The following HLCS variants were observed in gnomAD, a reference collection of about 807,000 sequenced individuals.
HLCS encodes holocarboxylase synthetase.
A neutral mutation model predicts 75.0 loss-of-function variants in HLCS; 53 were observed. That is an observed-to-expected ratio of 0.71 (90% CI 0.57 to 0.89). The LOEUF (loss-of-function observed/expected upper bound fraction) is 0.89. Ranked by LOEUF, HLCS falls within the 40% of genes least tolerant of loss-of-function variation. HLCS has a pLI of 0.00. For missense variants in HLCS, 966 were observed against 1,074.0 expected (o/e 0.90, Z 1.41); for synonymous variants, 431 against 428.6 (o/e 1.01, Z -0.07).
At chr21:36,771,665 C>G (rs565446795) in intron 6 of HLCS, among the ~76,000 whole-genome samples, 459 of 152,216 alleles carry the variant, frequency 3.0e-3, no homozygotes, top group African/African-American at 0.011. Flanking sequence ...ATGCAAAATC[C>G]TACAGACAGC....
At chr21:36,813,981 G>C (rs1452733869) in intron 6 of HLCS, among the ~76,000 whole-genome samples, 3 of 152,116 alleles carry the variant, frequency 2.0e-5, no homozygotes, top group Non-Finnish European at 4.4e-5. Flanking sequence ...ATTCTGCCAG[G>C]TCCCTCCCCT....
At chr21:36,908,011 A>G (rs754281008) in intron 5 of HLCS, among the ~76,000 whole-genome samples, 10 of 151,904 alleles carry the variant, frequency 6.6e-5, no homozygotes, top group Non-Finnish European at 1.2e-4. Flanking sequence ...TGGGCCTGCA[A>G]TGAGCTGTGA....
chr21:36,823,075 T>C (rs767910483), intron 6 of HLCS, among the ~76,000 whole-genome samples: 3 of 152,216 alleles, frequency 2.0e-5, no homozygotes, highest in Non-Finnish European at 4.4e-5. Flanking sequence ...ATAGCCTTTT[T>C]AAATGAATCT....
In HLCS at chr21:36,889,709, G is replaced by A. The variant is rs78192678; in HGVS notation, c.1892+7151C>T. ...GCTGTGGGATGTGAGCCTGGAACAC[G>A]GAGAAGTTCACTGTCCCAGACACAG... On this transcript the variant is annotated intron_variant, in intron 6 of 10. Coordinates refer to ENST00000674895, the MANE Select transcript of HLCS (RefSeq NM_001352514.2). Among the ~76,000 whole-genome samples, 1,022 of 152,276 alleles carry A rather than the reference G, an allele frequency of 6.7e-3. 14 individuals carry two copies. Among genetic ancestry groups the A allele is most frequent in the African/African-American group, 0.023 (946 of 41,556 alleles).
At chr21:36,977,833 G>A (rs1395699293) in intron 1 of HLCS, among the ~76,000 whole-genome samples, 1 of 152,062 alleles carries the variant, frequency 6.6e-6, no homozygotes, top group Non-Finnish European at 1.5e-5. Flanking sequence ...CGGGTTCACA[G>A]AGAACAGCCA....
Position 36,928,485 on chromosome 21 carries a change from G to A in HLCS, c.1620+1766C>T, listed in dbSNP as rs184999982. Among the ~76,000 whole-genome samples the A allele has an allele frequency of 4.5e-3, 692 of 152,216 alleles. 1 individual carries two copies. Among genetic ancestry groups the A allele is most frequent in the African/African-American group, 0.015 (634 of 41,510 alleles). ...CTCGGGGGGCTGAGGTGGGAGGATC[G>A]CTTGAGCTTGGGAGGTGGAGGCTGC... On this transcript the variant is annotated intron_variant, in intron 5 of 10. Transcript: ENST00000674895.
At chr21:36,896,628 G>A (rs2065021554) in intron 6 of HLCS, 1 of 564,562 alleles carries the variant, frequency 1.8e-6, no homozygotes, top group Non-Finnish European at 3.2e-6. Context: ...AAAGAAGCAA[G>A]ACACAAAGCA....
At chr21:36,852,393 T>G (rs769825355) in intron 6 of HLCS, among the ~76,000 whole-genome samples, 2 of 152,138 alleles carry the variant, frequency 1.3e-5, no homozygotes, top group Non-Finnish European at 2.9e-5. Flanking sequence ...AGAGGCTTTC[T>G]CTCCTGGCAG....
intron 6 of HLCS, among the ~76,000 whole-genome samples, chr21:36,776,605 G>C (rs569893512): frequency 2.0e-4 from 30 of 152,062 alleles, no homozygotes; most frequent in Non-Finnish European, 3.2e-4. Flanking sequence ...AGTAGAGATG[G>C]GGTTTCACCA....
intron 6 of HLCS, among the ~76,000 whole-genome samples, chr21:36,888,006 G>C (rs1405289229): frequency 6.6e-6 from 1 of 152,164 alleles, no homozygotes; most frequent in Non-Finnish European, 1.5e-5. Context: ...ACACTGTCAA[G>C]CTCAATCTAT....
chr21:36,966,530 T>A lies in HLCS; in HGVS notation c.109A>T (p.Thr37Ser). The change falls in exon 1 of 11, where the codon ACC becomes TCC. Residue 37 changes from threonine (T) to serine (S), a missense_variant. Physicochemically the swap from Thr to Ser is moderately conservative, Grantham distance 58. Transcript: ENST00000674895. ...GGCTGCGCGGCCGCGCCGCAGAAGG[T>A]GAAGGAACAGCGCGAGGCACGCAGC... The part of the protein sequence containing the change: ...RRLRASRCSF[T>S]FCGAAAQPPG... 1.0e-6 allele frequency: 1 copy of A among 990,298 alleles called. No individual in the cohort carries two copies. The highest frequency in any genetic ancestry group is 1.2e-6 in the Non-Finnish European group (1 of 839,838). The allele number at this position is 990,298 out of a possible 1,614,324, so 61.3% of individuals were successfully genotyped here. A position where few individuals can be genotyped will look rare whatever the true frequency, so the allele number is the denominator to read the frequency against.
intron 6 of HLCS, among the ~76,000 whole-genome samples, chr21:36,846,327 T>A (rs2062797714): frequency 6.6e-6 from 1 of 152,174 alleles, no homozygotes; most frequent in Admixed American, 6.5e-5. Flanking sequence ...TAAATGTTGG[T>A]TTCCTAAAGT....
intron 5 of HLCS, among the ~76,000 whole-genome samples, chr21:36,922,426 G>A (rs1288636342): frequency 6.6e-6 from 1 of 152,148 alleles, no homozygotes; most frequent in Non-Finnish European, 1.5e-5. Flanking sequence ...GGATAATGTA[G>A]AATTGTACTG....
At chr21:36,963,924 A>G (rs1329066723) in intron 1 of HLCS, among the ~76,000 whole-genome samples, 1 of 152,220 alleles carries the variant, frequency 6.6e-6, no homozygotes, top group Admixed American at 6.5e-5. Context: ...TTTTAAGTGT[A>G]TAACATATGA....
rs1235043074 is a variant in HLCS at position 36,765,003 on chromosome 21, T to C, written c.2121+9A>G. The C allele has an allele frequency of 7.4e-6, 12 of 1,613,960 alleles. No homozygotes were observed. Among genetic ancestry groups the C allele is most frequent in the African/African-American group, 2.7e-5 (2 of 74,940 alleles). ...CCAGGGACATAGAAGGAGACTGAAC[T>C]GTACCTACCTGATACTCGGGAATGG... is the stretch of plus-strand genomic sequence containing the variant. On this transcript the variant is annotated intron_variant, in intron 8 of 10. Transcript: ENST00000674895.
chr21:36,768,199 G>C (rs899522383), intron 6 of HLCS, among the ~76,000 whole-genome samples: 3 of 152,214 alleles, frequency 2.0e-5, no homozygotes, highest in African/African-American at 7.2e-5. Flanking sequence ...GCAGATGAGG[G>C]GGCCTCTTTG....
intron 6 of HLCS, among the ~76,000 whole-genome samples, chr21:36,816,565 C>T (rs1353841649): frequency 6.6e-6 from 1 of 152,170 alleles, no homozygotes; most frequent in African/African-American, 2.4e-5. Flanking sequence ...CTCAGTGTTA[C>T]CCTGAAGCTG....
intron 6 of HLCS, among the ~76,000 whole-genome samples, chr21:36,823,649 A>C (rs2061918478): frequency 1.2e-5 from 1 of 81,924 alleles, no homozygotes; most frequent in Non-Finnish European, 2.6e-5. Flanking sequence ...GTGTGTGTGT[A>C]CACATGTGCT....
chr21:36,756,751 A>G lies in HLCS; in HGVS notation c.2241T>C (p.Cys747=). Residue 747 remains cysteine, a synonymous_variant, in exon 10 of 11, where the codon TGT becomes TGC. Transcript: ENST00000674895. ...MGETFYILIG[C]GFNVTNSNPT... ...GGTTACTGTTAGTCACATTAAATCC[A>G]CAGCCTGGACAAAAACAAACAATTG... 1 of 1,614,130 alleles carries G rather than the reference A, an allele frequency of 6.2e-7. No individual in the cohort carries two copies. Among genetic ancestry groups the G allele is most frequent in the East Asian group, 2.2e-5 (1 of 44,880 alleles).
Sources: gnomAD v4.1 joint callset for allele counts (sites outside exome capture counted in the v4.1 genomes callset) on GRCh38, gnomAD v4.1.1 for gene constraint, MANE v1.5 for transcripts, NCBI Gene and HGNC (gene_info 2026-07-23, HGNC 2026-07-21) for gene names.